Variants in MYO3B observed in about 807,000 individuals in gnomAD.
The protein encoded by MYO3B is myosin-IIIb.
A neutral mutation model predicts 174.6 loss-of-function variants in MYO3B; 156 were observed. The ratio of observed to expected loss-of-function variants is 0.89; its 90% CI spans 0.78 to 1.02. The LOEUF is 1.02. Among genes scored for constraint, MYO3B ranks in the 50% least tolerant of loss-of-function variants. MYO3B has a pLI of 0.00. For missense variants in MYO3B, 1,632 were observed against 1,639.4 expected, an observed-to-expected ratio of 1.00 and a Z score of 0.08; for synonymous variants, 563 against 569.1, an observed-to-expected ratio of 0.99 and a Z score of 0.15.
At chr2:170,462,126 G>A (rs980339830) in intron 23 of MYO3B, among the ~76,000 whole-genome samples, 3 of 152,200 alleles carry the variant, frequency 2.0e-5, no homozygotes, top group Non-Finnish European at 4.4e-5. Context: ...TCTAAACCCA[G>A]GATCTTTCCT....
intron 25 of MYO3B, among the ~76,000 whole-genome samples, chr2:170,483,214 C>G (rs1161679326): frequency 6.6e-6 from 1 of 152,122 alleles, no homozygotes; most frequent in African/African-American, 2.4e-5. Flanking sequence ...GTGTTATAAG[C>G]AACCTCATGA....
chr2:170,472,426 C>T (rs552660205), intron 25 of MYO3B, among the ~76,000 whole-genome samples: 31 of 152,252 alleles, frequency 2.0e-4, no homozygotes, highest in Middle Eastern at 3.4e-3. Context: ...CAGGCTATGT[C>T]GACTAAATCT....
intron 25 of MYO3B, among the ~76,000 whole-genome samples, chr2:170,490,864 C>G (rs185410841): frequency 1.3e-3 from 199 of 152,030 alleles, no homozygotes; most frequent in Middle Eastern, 3.4e-3. Context: ...CACAATATTT[C>G]CCTGATTATT....
intron 16 of MYO3B, among the ~76,000 whole-genome samples, chr2:170,398,769 C>T (rs963049142): frequency 4.6e-5 from 7 of 152,124 alleles, no homozygotes; most frequent in East Asian, 3.9e-4. Context: ...GGATTAGTTC[C>T]GGGAACCCCC....
chr2:170,339,542 C>T (rs984977080), intron 8 of MYO3B, among the ~76,000 whole-genome samples: 2 of 152,140 alleles, frequency 1.3e-5, no homozygotes, highest in African/African-American at 2.4e-5. Context: ...TGTGCACGTG[C>T]ATACGCGTGT....
In MYO3B at chr2:170,568,837, G is replaced by A. The variant is rs190447441; in HGVS notation, c.3733+24849G>A. Reference sequence around the variant, plus strand: ...GCAGCAATCTGGCCCTGATACTAGGGCTGACAAAGTCAACTCACTGTTTCT... The same window carrying A: ...GCAGCAATCTGGCCCTGATACTAGGACTGACAAAGTCAACTCACTGTTTCT... On this transcript the variant is annotated intron_variant, in intron 32 of 34. Transcript: ENST00000408978. 1.7e-3 allele frequency among the ~76,000 whole-genome samples: 266 copies of A among 152,286 alleles called. 2 individuals carry two copies. Among genetic ancestry groups the A allele is most frequent in the African/African-American group, 4.9e-3 (204 of 41,556 alleles).
intron 7 of MYO3B, among the ~76,000 whole-genome samples, chr2:170,250,447 A>G (rs2093239251): frequency 1.3e-5 from 2 of 152,206 alleles, no homozygotes; most frequent in African/African-American, 4.8e-5. Context: ...CCCCCATCAC[A>G]GGACGTGACA....
At chr2:170,631,348 GAAAAAAGAAT>G (rs1696957115) in intron 32 of MYO3B, among the ~76,000 whole-genome samples, 2 of 151,614 alleles carry the variant, frequency 1.3e-5, no homozygotes, top group South Asian at 2.1e-4. Flanking sequence ...GAAGTTTAGA[GAAAAAAGAAT>G]AAAAAGAAAT....
intron 30 of MYO3B, among the ~76,000 whole-genome samples, chr2:170,537,955 G>A (rs918602815): frequency 1.3e-5 from 2 of 152,108 alleles, no homozygotes; most frequent in African/African-American, 2.4e-5. Flanking sequence ...AAGCGTGAAC[G>A]AATAAATGGA....
Position 170,313,519 on chromosome 2 carries a change from G to A in MYO3B, c.750-21866G>A, listed in dbSNP as rs545287659. On this transcript the variant is annotated intron_variant, in intron 7 of 34. Coordinates refer to ENST00000408978, the MANE Select transcript of MYO3B (RefSeq NM_138995.5). ...TCTAATCTTGCTGCTCTCTGATCCAGTGATAGCATCTCTGCACTTGAACAC... is the reference window on the plus strand; with the variant it reads ...TCTAATCTTGCTGCTCTCTGATCCAATGATAGCATCTCTGCACTTGAACAC... Among the ~76,000 whole-genome samples the A allele has an allele frequency of 3.3e-5, 5 of 152,294 alleles. No homozygotes were observed. The East Asian group carries it at 9.7e-4, about 29-fold the overall frequency.
chr2:170,626,926 CT>C (rs1696493382), intron 32 of MYO3B, among the ~76,000 whole-genome samples: 1 of 152,204 alleles, frequency 6.6e-6, no homozygotes, highest in South Asian at 2.1e-4. Context: ...CACTGTTAGT[CT>C]GATGGGCTTC....
In MYO3B at chr2:170,654,691, G is replaced by A. The variant is rs933818755; in HGVS notation, c.*1570G>A. On this transcript the variant is annotated 3_prime_UTR_variant, in exon 35 of 35. Transcript: ENST00000408978. ...AAAAAAAAGAGATAGTATGCAAGAA[G>A]ACACCTAAATTTTGAGAGAAATAAC... 3.0e-5 allele frequency: 4 copies of A among 133,352 alleles called. No homozygotes were observed. The highest frequency in any genetic ancestry group is 8.3e-5 in the African/African-American group (3 of 36,218). The allele number at this position is 133,352 out of a possible 1,614,324, so 8.3% of individuals were successfully genotyped here.
In MYO3B at chr2:170,400,654, C is replaced by CT. The variant is rs778697292; in HGVS notation, c.1918+340_1918+341insT. 8.5e-5 allele frequency among the ~76,000 whole-genome samples: 12 copies of CT among 141,680 alleles called. 1 individual carries two copies. The highest frequency in any genetic ancestry group is 4.8e-4 in the Admixed American group (7 of 14,496). The allele number at this position is 141,680 out of a possible 152,430, so 92.9% of individuals were successfully genotyped here. A position where few individuals can be genotyped will look rare whatever the true frequency, so the allele number is the denominator to read the frequency against. ...TCCTGACCTCATGATCCACCCCCCC[C>CT]CCCTCGGCCTCCCAAAGTGTTGGGA... On this transcript the variant is annotated intron_variant, in intron 17 of 34. Coordinates refer to ENST00000408978, the MANE Select transcript of MYO3B (RefSeq NM_138995.5).
intron 9 of MYO3B, among the ~76,000 whole-genome samples, chr2:170,379,920 A>G (rs1212661516): frequency 6.6e-6 from 1 of 152,252 alleles, no homozygotes; most frequent in East Asian, 1.9e-4. Context: ...GAAAGAGAGA[A>G]ATCCATTTTA....
intron 7 of MYO3B, among the ~76,000 whole-genome samples, chr2:170,280,014 G>C (rs1183552659): frequency 1.3e-5 from 2 of 152,022 alleles, no homozygotes; most frequent in African/African-American, 2.4e-5. Context: ...TGGTAGTTCT[G>C]CTTTTAGCTA....
At chr2:170,327,876 C>CTATATAT (rs1559390148) in intron 7 of MYO3B, among the ~76,000 whole-genome samples, 1 of 51,650 alleles carries the variant, frequency 1.9e-5, no homozygotes, top group African/African-American at 3.7e-5. Context: ...TATATATATA[C>CTATATAT]ACTATATATA....
At chr2:170,302,505 A>G (rs920937728) in intron 7 of MYO3B, among the ~76,000 whole-genome samples, 1 of 152,186 alleles carries the variant, frequency 6.6e-6, no homozygotes, top group Non-Finnish European at 1.5e-5. Context: ...TTTTGAAGGA[A>G]CTAACTTGCT....
intron 16 of MYO3B, among the ~76,000 whole-genome samples, chr2:170,393,665 T>A (rs2094428003): frequency 6.6e-6 from 1 of 152,154 alleles, no homozygotes; most frequent in African/African-American, 2.4e-5. Flanking sequence ...AGATAAAGGA[T>A]TACTTCTGTG....
At position 170,310,249 on chromosome 2, in the gene MYO3B, G is replaced by A. The variant is rs150323704; in HGVS notation, c.750-25136G>A. ...GAGATTTATTCTGAGCCAAACATGA[G>A]TGATGATTGCCCGTGACAGTGCCCT... On this transcript the variant is annotated intron_variant, in intron 7 of 34. Coordinates refer to ENST00000408978, the MANE Select transcript of MYO3B (RefSeq NM_138995.5). Among the ~76,000 whole-genome samples, 417 of 152,302 alleles carry A rather than the reference G, an allele frequency of 2.7e-3. 4 individuals are homozygous for A. Among genetic ancestry groups the A allele is most frequent in the African/African-American group, 9.7e-3 (403 of 41,558 alleles).
Sources: gnomAD v4.1 joint callset for allele counts (sites outside exome capture counted in the v4.1 genomes callset) on GRCh38, gnomAD v4.1.1 for gene constraint, MANE v1.5 for transcripts, NCBI Gene and HGNC (gene_info 2026-07-23, HGNC 2026-07-21) for gene names.